YPEL1: variants seen among roughly 807,000 people sequenced by gnomAD.
YPEL1 encodes the protein protein yippee-like 1.
In YPEL1, 7 loss-of-function variants were observed where a neutral mutation model predicts 17.3. That is an observed-to-expected ratio of 0.40 (90% CI 0.23 to 0.76). The LOEUF (loss-of-function observed/expected upper bound fraction) is 0.76. Among genes scored for constraint, YPEL1 ranks in the 30% least tolerant of loss-of-function variants. The pLI, the probability that YPEL1 is intolerant of heterozygous loss-of-function variation, is 0.35. For missense variants in YPEL1, 91 were observed against 155.5 expected (o/e 0.59, Z 2.21); for synonymous variants, 59 against 59.6 (o/e 0.99, Z 0.05).
chr22:21,702,179 C>T (rs1027495921), intron 4 of YPEL1, among the ~76,000 whole-genome samples: 11 of 152,170 alleles, frequency 7.2e-5, no homozygotes, highest in African/African-American at 1.9e-4. Context: ...CCTACCCAAG[C>T]GGCAGCCCCA....
chr22:21,701,048 C>A lies in YPEL1; in HGVS notation c.*81G>T. The A allele has an allele frequency of 2.3e-6, 3 of 1,312,420 alleles. No homozygotes were observed. The highest frequency in any genetic ancestry group is 3.3e-6 in the Non-Finnish European group (3 of 915,796). 81.3% of individuals were successfully genotyped at this position (1,312,420 alleles called of 1,614,324 possible). On this transcript the variant is annotated 3_prime_UTR_variant, in exon 5 of 5. Transcript: ENST00000339468. ...GAGGTCAGAGGGCAAGAAAGGCTGTCACCAGATGCTCCTACGTTTCCATTA... is the reference window on the plus strand; with the variant it reads ...GAGGTCAGAGGGCAAGAAAGGCTGTAACCAGATGCTCCTACGTTTCCATTA...
At chr22:21,714,568 C>G (rs774073924) in intron 1 of YPEL1, among the ~76,000 whole-genome samples, 2 of 152,136 alleles carry the variant, frequency 1.3e-5, no homozygotes, top group South Asian at 2.1e-4. Flanking sequence ...GGATGTGTAT[C>G]GGCTCCCAGG....
chr22:21,707,924 T>C (rs762349), intron 2 of YPEL1, among the ~76,000 whole-genome samples: 14,008 of 152,240 alleles, frequency 0.092, 913 homozygotes, highest in East Asian at 0.31. Flanking sequence ...ACAGGTGGTG[T>C]GGCAGATTTG....
chr22:21,706,194 G>C (rs553462181), intron 2 of YPEL1, among the ~76,000 whole-genome samples: 2 of 151,320 alleles, frequency 1.3e-5, no homozygotes, highest in African/African-American at 4.9e-5. Flanking sequence ...ACTTTGCAAG[G>C]CTGAGGCAGG....
chr22:21,711,006 G>T (rs374188337), intron 1 of YPEL1, 98 bp from the exon 2 acceptor site: 132 of 405,056 alleles, frequency 3.3e-4, no homozygotes, highest in African/African-American at 1.9e-3. Context: ...CACGCGGGGT[G>T]GGGGGGTGGC....
chr22:21,717,525 T>G (rs1280389578), intron 1 of YPEL1, among the ~76,000 whole-genome samples: 3 of 152,070 alleles, frequency 2.0e-5, no homozygotes, highest in Non-Finnish European at 4.4e-5. Context: ...TGTGAATAAT[T>G]GATGATTGTG....
At chr22:21,711,475 G>A (rs1210267482) in intron 1 of YPEL1, among the ~76,000 whole-genome samples, 2 of 152,184 alleles carry the variant, frequency 1.3e-5, no homozygotes, top group African/African-American at 4.8e-5. Flanking sequence ...CCCCGAATCC[G>A]GGAATTCACC....
At position 21,703,512 on chromosome 22, in the gene YPEL1, C is replaced by G. The variant is rs375936363; in HGVS notation, c.162-34G>C. 1 of 1,576,202 alleles carries G rather than the reference C, an allele frequency of 6.3e-7. No individual in the cohort carries two copies. Among genetic ancestry groups the G allele is most frequent in the East Asian group, 2.2e-5 (1 of 44,518 alleles). On this transcript the variant is annotated intron_variant, in intron 3 of 4. Coordinates refer to ENST00000339468, the MANE Select transcript of YPEL1 (RefSeq NM_013313.5). The surrounding 1 kb of genome is among the most constrained non-coding windows in gnomAD (Gnocchi z 6.1). ...ACAGAGGGGCCACTGCGCTGCAGGCCCGGCCCGCCCCTGACCAGGCCCTGC... is the reference window on the plus strand; with the variant it reads ...ACAGAGGGGCCACTGCGCTGCAGGCGCGGCCCGCCCCTGACCAGGCCCTGC...
chr22:21,705,261 G>A (rs2068104557), intron 2 of YPEL1, among the ~76,000 whole-genome samples: 1 of 152,228 alleles, frequency 6.6e-6, no homozygotes, highest in African/African-American at 2.4e-5. Flanking sequence ...TTGCAGGCGT[G>A]AGCCACTGCG....
At chr22:21,707,036 C>T (rs192380541) in intron 2 of YPEL1, among the ~76,000 whole-genome samples, 7 of 151,892 alleles carry the variant, frequency 4.6e-5, no homozygotes, top group East Asian at 3.9e-4. Context: ...GGAATGGAGC[C>T]GGACAAGGCA....
At chr22:21,734,817 C>G (rs912084634) in intron 1 of YPEL1, among the ~76,000 whole-genome samples, 1 of 152,072 alleles carries the variant, frequency 6.6e-6, no homozygotes, top group African/African-American at 2.4e-5. Flanking sequence ...GTCTTGGGAC[C>G]TGAGTAGGGA....
At chr22:21,721,370 A>G (rs757536339) in intron 1 of YPEL1, among the ~76,000 whole-genome samples, 1 of 151,650 alleles carries the variant, frequency 6.6e-6, no homozygotes, top group African/African-American at 2.4e-5. Context: ...TGCCCGCCGC[A>G]GCCTCCCAAA....
At chr22:21,723,952 C>G (rs1236824636) in intron 1 of YPEL1, among the ~76,000 whole-genome samples, 1 of 152,154 alleles carries the variant, frequency 6.6e-6, no homozygotes, top group African/African-American at 2.4e-5. Flanking sequence ...CAGGTGTGAG[C>G]CACCACGCCT....
chr22:21,734,481 G>T (rs980907074), intron 1 of YPEL1, among the ~76,000 whole-genome samples: 2 of 152,164 alleles, frequency 1.3e-5, no homozygotes, highest in Non-Finnish European at 2.9e-5. Flanking sequence ...CTATTGCTCA[G>T]ATTGGTAATT....
At chr22:21,714,111 C>G (rs755808831) in intron 1 of YPEL1, among the ~76,000 whole-genome samples, 5 of 151,972 alleles carry the variant, frequency 3.3e-5, no homozygotes, top group Non-Finnish European at 7.4e-5. Context: ...TGGGATGACA[C>G]CCAGGACGGC....
At chr22:21,707,479 C>T (rs2068126227) in intron 2 of YPEL1, among the ~76,000 whole-genome samples, 1 of 152,154 alleles carries the variant, frequency 6.6e-6, no homozygotes, top group Admixed American at 6.6e-5. Context: ...AGACTTCTCA[C>T]CTGAGCATGA....
rs764908552 is a variant in YPEL1 at position 21,704,107 on chromosome 22, G to A, written c.118-225C>T. On this transcript the variant is annotated intron_variant, in intron 2 of 4. Coordinates refer to ENST00000339468, the MANE Select transcript of YPEL1 (RefSeq NM_013313.5). ...AGACAGGAGTGGCTGATTCTGCTGC[G>A]TCAACATTCTGCAAGTGACTATTAT... is the stretch of plus-strand genomic sequence containing the variant. 8.8e-5 allele frequency: 63 copies of A among 719,036 alleles called. 1 individual carries two copies. The highest frequency in any genetic ancestry group is 7.1e-4 in the South Asian group (48 of 67,618). 44.5% of individuals were successfully genotyped at this position (719,036 alleles called of 1,614,324 possible). A position where few individuals can be genotyped will look rare whatever the true frequency, so the allele number is the denominator to read the frequency against.
rs2068047567 is a variant in YPEL1 at position 21,699,895 on chromosome 22, G to A, written c.*1234C>T. Reference sequence around the variant, plus strand: ...CAACCCCTGGTACCAGACCCTGTGAGGCTGTCACCTCAGTAAGGGCACCTC... The same window carrying A: ...CAACCCCTGGTACCAGACCCTGTGAAGCTGTCACCTCAGTAAGGGCACCTC... On this transcript the variant is annotated 3_prime_UTR_variant, in exon 5 of 5. Coordinates refer to ENST00000339468, the MANE Select transcript of YPEL1 (RefSeq NM_013313.5). 2 of 152,488 alleles carry A rather than the reference G, an allele frequency of 1.3e-5. No homozygotes were observed. The highest frequency in any genetic ancestry group is 1.3e-4 in the Admixed American group (2 of 15,270). The allele number at this position is 152,488 out of a possible 1,614,324, so 9.4% of individuals were successfully genotyped here. A position where few individuals can be genotyped will look rare whatever the true frequency, so the allele number is the denominator to read the frequency against.
Position 21,703,571 on chromosome 22 carries a change from G to T in YPEL1, c.162-93C>A. ...CGGGCCCCACCCCATCCTCCTAAGA[G>T]TTCCCCCAAAACAGGGAAACTCCCA... On this transcript the variant is annotated intron_variant, in intron 3 of 4. Coordinates refer to ENST00000339468, the MANE Select transcript of YPEL1 (RefSeq NM_013313.5). The surrounding 1 kb of genome is among the most constrained non-coding windows in gnomAD (Gnocchi z 6.1). The T allele has an allele frequency of 8.3e-7, 1 of 1,206,812 alleles. No individual in the cohort carries two copies. The highest frequency in any genetic ancestry group is 1.2e-6 in the Non-Finnish European group (1 of 838,472). 74.8% of individuals were successfully genotyped at this position (1,206,812 alleles called of 1,614,324 possible).
Sources: allele counts gnomAD v4.1 joint callset (sites outside exome capture counted in the v4.1 genomes callset), GRCh38; gene constraint gnomAD v4.1.1; non-coding constraint Gnocchi (gnomAD v3.1); transcripts MANE v1.5; gene names NCBI Gene and HGNC (gene_info 2026-07-23, HGNC 2026-07-21).